Variants in AKAP19 observed in about 807,000 individuals in gnomAD.
AKAP19 encodes small A-kinase anchoring protein.
At chr2:189,936,136 G>GA in the AKAP19 span, among the ~76,000 whole-genome samples, 7 of 151,658 alleles carry the variant, frequency 4.6e-5, no homozygotes, top group African/African-American at 1.4e-4. Context: ...GAGTAATATT[G>GA]AAAAAAAATT....
the AKAP19 span, among the ~76,000 whole-genome samples, chr2:190,034,534 CAA>C: frequency 1.2e-4 from 8 of 68,252 alleles, no homozygotes; most frequent in African/African-American, 5.4e-4. Context: ...GGCTACAGTG[CAA>C]AAAAAAAAAA....
At chr2:190,199,690 T>C in the AKAP19 span, 2 of 1,427,554 alleles carry the variant, frequency 1.4e-6, no homozygotes, top group South Asian at 3.1e-5. Flanking sequence ...CTACCTTCTC[T>C]TGACAGGTAA....
At chr2:190,075,873 C>T in the AKAP19 span, among the ~76,000 whole-genome samples, 2 of 151,696 alleles carry the variant, frequency 1.3e-5, no homozygotes, top group Non-Finnish European at 1.5e-5. Context: ...TTTAGTGTTC[C>T]ATCTGTTCTT....
the AKAP19 span, among the ~76,000 whole-genome samples, chr2:190,133,120 G>A: frequency 1.3e-5 from 2 of 150,836 alleles, no homozygotes; most frequent in Non-Finnish European, 3.0e-5. Flanking sequence ...CGCCTGTAGT[G>A]CCAGCTACTC....
At chr2:190,010,730 T>A in the AKAP19 span, among the ~76,000 whole-genome samples, 1 of 152,128 alleles carries the variant, frequency 6.6e-6, no homozygotes, top group Non-Finnish European at 1.5e-5. Context: ...CAATACATAT[T>A]TTCATTTTAT....
At chr2:190,009,747 A>C in the AKAP19 span, among the ~76,000 whole-genome samples, 1 of 152,184 alleles carries the variant, frequency 6.6e-6, no homozygotes, top group Non-Finnish European at 1.5e-5. Context: ...AGACTGGAAG[A>C]GATTATGGAC....
At chr2:190,035,890 T>C in the AKAP19 span, among the ~76,000 whole-genome samples, 1 of 152,218 alleles carries the variant, frequency 6.6e-6, no homozygotes, top group Non-Finnish European at 1.5e-5. Flanking sequence ...AAACAGATTT[T>C]ATTGTGGATG....
the AKAP19 span, among the ~76,000 whole-genome samples, chr2:189,973,672 G>A: frequency 6.6e-6 from 1 of 152,128 alleles, no homozygotes; most frequent in Non-Finnish European, 1.5e-5. Flanking sequence ...GCCTGTTATT[G>A]GTTATTCAGG....
At chr2:190,132,850 TA>T in the AKAP19 span, among the ~76,000 whole-genome samples, 3 of 152,052 alleles carry the variant, frequency 2.0e-5, no homozygotes, top group African/African-American at 7.2e-5. Context: ...AAAGACAACT[TA>T]CAGAATGGGT....
chr2:190,169,210 C>A, the AKAP19 span, among the ~76,000 whole-genome samples: 1 of 152,246 alleles, frequency 6.6e-6, no homozygotes. Flanking sequence ...ACTATCAGAT[C>A]TCATGAGACT....
At chr2:190,183,933 T>A in the AKAP19 span, among the ~76,000 whole-genome samples, 1 of 152,130 alleles carries the variant, frequency 6.6e-6, no homozygotes, top group East Asian at 1.9e-4. Context: ...CTCATTAGAA[T>A]ACGCTATCTA....
the AKAP19 span, among the ~76,000 whole-genome samples, chr2:190,052,577 C>T: frequency 1.3e-5 from 2 of 152,260 alleles, no homozygotes; most frequent in African/African-American, 4.8e-5. Context: ...GACTTAGTGT[C>T]TGTGGGAGCG....
At chr2:189,895,725 G>C in the AKAP19 span, among the ~76,000 whole-genome samples, 1 of 152,082 alleles carries the variant, frequency 6.6e-6, no homozygotes, top group African/African-American at 2.4e-5. Context: ...ATTGGAAAGA[G>C]CAACTAAATG....
chr2:190,192,305 T>TGTGGCTA, the AKAP19 span, among the ~76,000 whole-genome samples: 1 of 152,146 alleles, frequency 6.6e-6, no homozygotes, highest in East Asian at 1.9e-4. Flanking sequence ...TTCATAGGTT[T>TGTGGCTA]GTGGCTAGCC....
the AKAP19 span, among the ~76,000 whole-genome samples, chr2:189,927,668 T>C: frequency 6.6e-6 from 1 of 152,184 alleles, no homozygotes; most frequent in African/African-American, 2.4e-5. Flanking sequence ...CAGTTCAGTG[T>C]TTTTTCCCTA....
At chr2:189,994,074 G>A in the AKAP19 span, among the ~76,000 whole-genome samples, 1 of 150,424 alleles carries the variant, frequency 6.6e-6, no homozygotes, top group African/African-American at 2.4e-5. Context: ...GCACTGGCGC[G>A]ATCTCAGCTC....
chr2:189,988,517 A>C, the AKAP19 span, among the ~76,000 whole-genome samples: 13 of 152,350 alleles, frequency 8.5e-5, no homozygotes, highest in African/African-American at 2.9e-4. Flanking sequence ...GGAATGAACA[A>C]GGACAGTATA....
At chr2:190,142,632 A>C in the AKAP19 span, among the ~76,000 whole-genome samples, 1 of 152,194 alleles carries the variant, frequency 6.6e-6, no homozygotes, top group African/African-American at 2.4e-5. Flanking sequence ...CAGTGGTAAG[A>C]AATGAGGATG....
At chr2:190,123,855 G>A in the AKAP19 span, among the ~76,000 whole-genome samples, 1 of 152,234 alleles carries the variant, frequency 6.6e-6, no homozygotes, top group East Asian at 1.9e-4. Context: ...CCCTCAATGT[G>A]AGTGGCCACC....
Sources: gnomAD v4.1 joint callset for allele counts (sites outside exome capture counted in the v4.1 genomes callset) on GRCh38, gnomAD v4.1.1 for gene constraint, MANE v1.5 for transcripts, NCBI Gene and HGNC (gene_info 2026-07-23, HGNC 2026-07-21) for gene names.